TNFRSF19: variants seen among roughly 807,000 people sequenced by gnomAD.
The protein encoded by TNFRSF19 is TNF receptor superfamily member 19.
In TNFRSF19, 27 loss-of-function variants were observed where a neutral mutation model predicts 46.4. That is an observed-to-expected ratio of 0.58 (90% confidence interval 0.43 to 0.80). The LOEUF (loss-of-function observed/expected upper bound fraction) is 0.80. Ranked by LOEUF, TNFRSF19 falls within the 30% of genes least tolerant of loss-of-function variation. The pLI is 0.00. For missense variants in TNFRSF19, 511 were observed against 530.8 expected, an observed-to-expected ratio of 0.96 and a Z score of 0.37; for synonymous variants, 204 against 205.0, an observed-to-expected ratio of 1.00 and a Z score of 0.04.
At chr13:23,626,818 C>T in intron 5 of TNFRSF19, 26 bp downstream of exon 5, 1 of 1,606,500 alleles carries the variant, frequency 6.2e-7, no homozygotes, top group Non-Finnish European at 8.5e-7. Context: ...ACAGGCAGAG[C>T]CAAGGGGACG....
chr13:23,662,507 CA>C (rs1301962412), intron 7 of TNFRSF19, among the ~76,000 whole-genome samples: 1 of 152,146 alleles, frequency 6.6e-6, no homozygotes, highest in Non-Finnish European at 1.5e-5. Flanking sequence ...TTGGCTAATA[CA>C]GGGTCTATTT....
Position 23,654,448 on chromosome 13 carries a change from G to T in TNFRSF19, c.446-4602G>T, listed in dbSNP as rs148002821. On this transcript the variant is annotated intron_variant, in intron 5 of 9. Transcript: ENST00000248484. ...ACGTCTGATCACAGTGGCCCGTCAT[G>T]CAGACACCAAGACCAATGGGAAGGC... is the stretch of plus-strand genomic sequence containing the variant. Among the ~76,000 whole-genome samples the T allele has an allele frequency of 4.6e-5, 7 of 152,204 alleles. No homozygotes were observed. In the East Asian group the frequency reaches 1.4e-3, roughly 29 times the overall value.
chr13:23,619,902 A>G (rs1407279394), intron 4 of TNFRSF19, among the ~76,000 whole-genome samples: 1 of 152,222 alleles, frequency 6.6e-6, no homozygotes, highest in Non-Finnish European at 1.5e-5. Context: ...CCGGGACTCC[A>G]CCGTGCCTGG....
intron 5 of TNFRSF19, among the ~76,000 whole-genome samples, chr13:23,652,216 G>A (rs765605305): frequency 1.3e-5 from 2 of 152,154 alleles, no homozygotes; most frequent in African/African-American, 4.8e-5. Flanking sequence ...CCATACCTCT[G>A]TCTACTGTTG....
intron 4 of TNFRSF19, among the ~76,000 whole-genome samples, chr13:23,617,172 G>A (rs182699720): frequency 1.2e-4 from 19 of 152,234 alleles, no homozygotes; most frequent in Admixed American, 1.1e-3. Flanking sequence ...TCTCAGGTGG[G>A]CATCTACCTG....
chr13:23,597,779 G>A (rs965583678), intron 3 of TNFRSF19, among the ~76,000 whole-genome samples: 1 of 152,060 alleles, frequency 6.6e-6, no homozygotes, highest in African/African-American at 2.4e-5. Context: ...TCAAAACCTG[G>A]CAGAGACACA....
chr13:23,594,135 C>A (rs1294374423), intron 3 of TNFRSF19: 1 of 401,062 alleles, frequency 2.5e-6, no homozygotes, highest in Non-Finnish European at 4.9e-6. Context: ...TAGGTGCCTA[C>A]ACCACTGGGG....
At chr13:23,643,898 T>C (rs574962743) in intron 5 of TNFRSF19, among the ~76,000 whole-genome samples, 7 of 152,338 alleles carry the variant, frequency 4.6e-5, no homozygotes, top group Non-Finnish European at 1.0e-4. Context: ...TTACCCTGGC[T>C]CATAGCCCTT....
chr13:23,588,613 C>T (rs966761263), intron 1 of TNFRSF19, among the ~76,000 whole-genome samples: 9 of 152,148 alleles, frequency 5.9e-5, no homozygotes, highest in African/African-American at 2.2e-4. Flanking sequence ...CTAAATTACA[C>T]ATTTTTTGCT....
chr13:23,600,231 A>G (rs763505870), intron 3 of TNFRSF19, among the ~76,000 whole-genome samples: 11 of 152,198 alleles, frequency 7.2e-5, no homozygotes, highest in Non-Finnish European at 1.6e-4. Flanking sequence ...CTATCCCAAC[A>G]GGAAGTAAAA....
In TNFRSF19 at chr13:23,655,763, GTTTTGTTTTTGT is replaced by G. The variant is rs569750843; in HGVS notation, c.446-3270_446-3259del. 1.3e-3 allele frequency among the ~76,000 whole-genome samples: 199 copies of G among 148,982 alleles called. 1 individual carries two copies. Among genetic ancestry groups the G allele is most frequent in the African/African-American group, 4.5e-3 (178 of 39,848 alleles). The stretch of plus-strand genomic sequence containing the variant: ...GCCCCCCCCCCTTATTTTTGGTTTT[GTTTTGTTTTTGT>G]TTTTGTTTTTGTTTTTTGCTGCTCA... On this transcript the variant is annotated intron_variant, in intron 5 of 9. Transcript: ENST00000248484.
intron 5 of TNFRSF19, among the ~76,000 whole-genome samples, chr13:23,633,181 C>T (rs1313848436): frequency 2.7e-5 from 4 of 150,574 alleles, no homozygotes; most frequent in Non-Finnish European, 4.4e-5. Context: ...GCAATCACCA[C>T]AGATCTCTGT....
intron 2 of TNFRSF19, among the ~76,000 whole-genome samples, chr13:23,591,492 AT>A (rs1229796373): frequency 2.6e-5 from 4 of 152,086 alleles, no homozygotes; most frequent in African/African-American, 7.2e-5. Flanking sequence ...AAATAAAAAA[AT>A]AAAGACAAAG....
chr13:23,601,340 A>G lies in TNFRSF19; in HGVS notation c.180+7885A>G, dbSNP rs117223954. On this transcript the variant is annotated intron_variant, in intron 3 of 9. Coordinates refer to ENST00000248484, the MANE Select transcript of TNFRSF19 (RefSeq NM_148957.4). ...GCAAGGCAGAAGAGAGTGCAGTGAA[A>G]CATTTAAAGTATTGAGAAAATAGCA... is the stretch of plus-strand genomic sequence containing the variant. Among the ~76,000 whole-genome samples the G allele has an allele frequency of 6.2e-3, 951 of 152,320 alleles. 6 individuals carry two copies. The highest frequency in any genetic ancestry group is 0.01 in the Non-Finnish European group (698 of 68,020).
intron 2 of TNFRSF19, among the ~76,000 whole-genome samples, chr13:23,590,727 T>G (rs1879212733): frequency 6.6e-6 from 1 of 152,274 alleles, no homozygotes; most frequent in Non-Finnish European, 1.5e-5. Flanking sequence ...AAGTGAAAGA[T>G]TGCTGCTCAT....
At chr13:23,625,080 A>G (rs1293061331) in intron 4 of TNFRSF19, among the ~76,000 whole-genome samples, 1 of 152,038 alleles carries the variant, frequency 6.6e-6, no homozygotes, top group African/African-American at 2.4e-5. Context: ...ATGTATTGGT[A>G]AAGAATCTGA....
Position 23,675,733 on chromosome 13 carries a change from G to A in TNFRSF19, c.*2353G>A, listed in dbSNP as rs114091307. The A allele has an allele frequency of 3.3e-4, 51 of 152,342 alleles. No homozygotes were observed. Among genetic ancestry groups the A allele is most frequent in the African/African-American group, 1.2e-3 (51 of 41,578 alleles). The allele number at this position is 152,342 out of a possible 1,614,324, so 9.4% of individuals were successfully genotyped here. On this transcript the variant is annotated 3_prime_UTR_variant, in exon 10 of 10. Transcript: ENST00000248484. The stretch of plus-strand genomic sequence containing the variant: ...TGTCGGGTAATGCGTGTGGCTGAAT[G>A]GGCATAACCACTGTGGCTTCTTGTG...
At chr13:23,634,779 T>G (rs1281869649) in intron 5 of TNFRSF19, among the ~76,000 whole-genome samples, 1 of 152,200 alleles carries the variant, frequency 6.6e-6, no homozygotes, top group African/African-American at 2.4e-5. Context: ...TGTGAGGGCC[T>G]GCACCGTGTG....
intron 1 of TNFRSF19, among the ~76,000 whole-genome samples, chr13:23,579,943 G>T (rs1878281751): frequency 6.6e-6 from 1 of 152,244 alleles, no homozygotes; most frequent in African/African-American, 2.4e-5. Flanking sequence ...GCGGCTGCAG[G>T]GGTCTCGGGG....
Sources: gnomAD v4.1 joint callset for allele counts (sites outside exome capture counted in the v4.1 genomes callset) on GRCh38, gnomAD v4.1.1 for gene constraint, MANE v1.5 for transcripts, NCBI Gene and HGNC (gene_info 2026-07-23, HGNC 2026-07-21) for gene names.